CSDE1: variants seen among roughly 807,000 people sequenced by gnomAD.
CSDE1 encodes cold shock domain containing E1, also known as cold shock domain-containing protein E1.
Under a neutral mutation model 89.3 loss-of-function variants are expected in CSDE1, and 17 were observed. The observed-to-expected ratio is 0.19, with a 90% CI of 0.13 to 0.29. The LOEUF (loss-of-function observed/expected upper bound fraction) is 0.29. Among genes scored for constraint, CSDE1 ranks in the 10% least tolerant of loss-of-function variants. The pLI, the probability that CSDE1 is intolerant of heterozygous loss-of-function variation, is 1.00. For synonymous variants in CSDE1, 322 were observed against 332.8 expected (o/e 0.97, Z 0.35); for missense variants, 672 against 984.2 (o/e 0.68, Z 4.24).
chr1:114,743,764 T>C (rs934483727), intron 2 of CSDE1, among the ~76,000 whole-genome samples: 8 of 152,174 alleles, frequency 5.3e-5, no homozygotes, highest in Non-Finnish European at 1.2e-4. Context: ...ACTGTTCGAG[T>C]CTCCGTCTCA....
At chr1:114,722,244 A>T (rs1199587411) in intron 16 of CSDE1, among the ~76,000 whole-genome samples, 1 of 152,218 alleles carries the variant, frequency 6.6e-6, no homozygotes, top group Non-Finnish European at 1.5e-5. Flanking sequence ...ATCCAAAGAG[A>T]TCAAGTCATG....
intron 2 of CSDE1, among the ~76,000 whole-genome samples, chr1:114,747,522 G>A (rs1000339592): frequency 2.6e-5 from 4 of 152,288 alleles, no homozygotes; most frequent in Admixed American, 1.3e-4. Context: ...AAAGGACTTC[G>A]TTAAATCTAT....
intron 2 of CSDE1, among the ~76,000 whole-genome samples, chr1:114,742,215 T>C (rs76716709): frequency 1.8e-4 from 27 of 152,270 alleles, no homozygotes; most frequent in Admixed American, 1.3e-3. Context: ...TCCTCACTCA[T>C]TTGCTCTTAC....
chr1:114,722,475 A>AAC (rs962397365), intron 16 of CSDE1, among the ~76,000 whole-genome samples: 1 of 152,242 alleles, frequency 6.6e-6, no homozygotes, highest in Non-Finnish European at 1.5e-5. Context: ...AAGTCTTAGT[A>AAC]TAAGTTACAG....
chr1:114,722,139 T>C (rs1232231405), intron 16 of CSDE1, among the ~76,000 whole-genome samples: 2 of 152,144 alleles, frequency 1.3e-5, no homozygotes, highest in Non-Finnish European at 2.9e-5. Flanking sequence ...TGCCTTGGCT[T>C]CCCAAAGTGC....
At chr1:114,720,843 C>G in intron 16 of CSDE1, 126 bp from the exon 17 acceptor site, 4 of 817,064 alleles carry the variant, frequency 4.9e-6, no homozygotes, top group Non-Finnish European at 7.4e-6. Flanking sequence ...ATTTTCAGTA[C>G]TCAGAAGTTT....
intron 2 of CSDE1, 57 bp from the exon 3 acceptor site, chr1:114,739,947 TAA>T: frequency 1.4e-6 from 2 of 1,404,258 alleles, no homozygotes; most frequent in Non-Finnish European, 2.0e-6. Context: ...CATAGCATAT[TAA>T]GTCTGGTTAA....
At position 114,724,007 on chromosome 1, in the gene CSDE1, A is replaced by G. The variant is rs780800384; in HGVS notation, c.1754-5T>C. On this transcript the variant is annotated splice_polypyrimidine_tract_variant and splice_region_variant and intron_variant, in intron 15 of 19. Coordinates refer to ENST00000358528, the MANE Select transcript of CSDE1 (RefSeq NM_001007553.3). ...CTTCCTCAGTAATGCCATTCACTAC[A>G]AAACAAAGGCAGGTACATCTTTCAA... is the stretch of plus-strand genomic sequence containing the variant. The G allele has an allele frequency of 6.2e-7, 1 of 1,611,630 alleles. No individual in the cohort carries two copies. Among genetic ancestry groups the G allele is most frequent in the Admixed American group, 1.7e-5 (1 of 59,554 alleles).
At chr1:114,718,261 CGCA>C in intron 19 of CSDE1, 45 bp from the exon 20 acceptor site, 1 of 1,582,552 alleles carries the variant, frequency 6.3e-7, no homozygotes, top group Non-Finnish European at 8.6e-7. Context: ...ATGATTTGAG[CGCA>C]CAACAATCAT....
intron 3 of CSDE1, among the ~76,000 whole-genome samples, chr1:114,738,862 G>T (rs1660560556): frequency 1.3e-5 from 2 of 151,374 alleles, no homozygotes; most frequent in Admixed American, 1.3e-4. Context: ...GTAGAGATGG[G>T]GTTTTGCCAT....
In CSDE1 at chr1:114,737,245, T is replaced by A. The variant is rs79094640; in HGVS notation, c.402+226A>T. ...AGTGATTAAAAGGAACATTTTACCT[T>A]AATGTTCTAACTAAGGTCATACTTG... On this transcript the variant is annotated intron_variant, in intron 5 of 19. Coordinates refer to ENST00000358528, the MANE Select transcript of CSDE1 (RefSeq NM_001007553.3). Among the ~76,000 whole-genome samples, 46 of 152,276 alleles carry A rather than the reference T, an allele frequency of 3.0e-4. No homozygotes were observed. The East Asian group carries it at 8.9e-3, about 29-fold the overall frequency.
intron 3 of CSDE1, among the ~76,000 whole-genome samples, chr1:114,738,446 G>GT (rs1011491504): frequency 4.0e-4 from 60 of 149,022 alleles, no homozygotes; most frequent in East Asian, 1.9e-3. Context: ...CCTTTGGCGA[G>GT]TTTTTTTTTT....
chr1:114,738,867 T>C (rs1660560746), intron 3 of CSDE1, among the ~76,000 whole-genome samples: 1 of 151,738 alleles, frequency 6.6e-6, no homozygotes, highest in African/African-American at 2.4e-5. Flanking sequence ...GATGGGGTTT[T>C]GCCATGTTGC....
intron 2 of CSDE1, among the ~76,000 whole-genome samples, chr1:114,747,170 A>G (rs1661055396): frequency 6.6e-6 from 1 of 152,192 alleles, no homozygotes; most frequent in Non-Finnish European, 1.5e-5. Context: ...AATGCTTTAT[A>G]AGCCTTATTC....
chr1:114,733,886 G>A, intron 8 of CSDE1, 29 bp from the exon 9 acceptor site: 2 of 1,611,432 alleles, frequency 1.2e-6, no homozygotes, highest in Non-Finnish European at 1.7e-6. Flanking sequence ...GAGGTGGTGG[G>A]GGGACAGAGG....
chr1:114,754,744 TAAA>T (rs1379656241), intron 1 of CSDE1, among the ~76,000 whole-genome samples: 1 of 152,146 alleles, frequency 6.6e-6, no homozygotes, highest in South Asian at 2.1e-4. Context: ...TGAGTAAAAA[TAAA>T]AAATCAAACT....
At position 114,717,278 on chromosome 1, in the gene CSDE1, A is replaced by G. The variant is rs1419354479; in HGVS notation, c.*891T>C. 1.3e-5 allele frequency: 2 copies of G among 152,594 alleles called. No individual in the cohort carries two copies. Among genetic ancestry groups the G allele is most frequent in the Admixed American group, 1.3e-4 (2 of 15,290 alleles). 9.5% of individuals were successfully genotyped at this position (152,594 alleles called of 1,614,324 possible). A position where few individuals can be genotyped will look rare whatever the true frequency, so the allele number is the denominator to read the frequency against. ...AGTAACCAGGCGGCTACTTATAAAA[A>G]AAAACAAGATTCATTTCAGGCACAA... On this transcript the variant is annotated 3_prime_UTR_variant, in exon 20 of 20. Coordinates refer to ENST00000358528, the MANE Select transcript of CSDE1 (RefSeq NM_001007553.3).
At chr1:114,754,061 T>A (rs571930146) in intron 1 of CSDE1, among the ~76,000 whole-genome samples, 1 of 152,346 alleles carries the variant, frequency 6.6e-6, no homozygotes, top group Admixed American at 6.5e-5. Flanking sequence ...TATTACTTAA[T>A]CACTGCAATC....
At chr1:114,724,692 C>T (rs1659702286) in intron 15 of CSDE1, among the ~76,000 whole-genome samples, 1 of 152,240 alleles carries the variant, frequency 6.6e-6, no homozygotes, top group Non-Finnish European at 1.5e-5. Flanking sequence ...GCCTCTCTTC[C>T]CTACTCCATG....
Sources: gnomAD v4.1 joint callset for allele counts (sites outside exome capture counted in the v4.1 genomes callset) on GRCh38, gnomAD v4.1.1 for gene constraint, MANE v1.5 for transcripts, NCBI Gene and HGNC (gene_info 2026-07-23, HGNC 2026-07-21) for gene names.